The following HERC3 variants were observed in gnomAD, a reference collection of about 807,000 sequenced individuals.
HERC3 encodes the protein HECT and RLD domain containing E3 ubiquitin protein ligase 3.
HERC3 carries 58 observed loss-of-function variants against 129.9 expected under a neutral mutation model. The observed-to-expected ratio is 0.45, with a 90% confidence interval of 0.36 to 0.56. The LOEUF (loss-of-function observed/expected upper bound fraction) is 0.56. HERC3 is among the 20% of genes least tolerant of loss of function. The pLI, the probability that HERC3 is intolerant of heterozygous loss-of-function variation, is 0.00. For synonymous variants in HERC3, 430 were observed against 451.0 expected, an observed-to-expected ratio of 0.95 and a Z score of 0.59; for missense variants, 835 against 1,244.2, an observed-to-expected ratio of 0.67 and a Z score of 4.95.
chr4:88,592,898 G>GGCCGCCCTCCCGCCCT (rs1410673819), intron 1 of HERC3, among the ~76,000 whole-genome samples: 1 of 152,030 alleles, frequency 6.6e-6, no homozygotes, highest in African/African-American at 2.4e-5. Flanking sequence ...GCCCGCGCTC[G>GGCCGCCCTCCCGCCCT]GCCGCCCTCC....
At chr4:88,569,504 C>A in the HERC3 span, among the ~76,000 whole-genome samples, 2 of 152,232 alleles carry the variant, frequency 1.3e-5, no homozygotes, top group African/African-American at 4.8e-5. Flanking sequence ...GGTATTCCTG[C>A]AGGGAAGATG....
intron 23 of HERC3, among the ~76,000 whole-genome samples, 184 bp downstream of exon 23, chr4:88,687,483 A>T (rs1426462702): frequency 1.3e-5 from 2 of 152,240 alleles, no homozygotes; most frequent in African/African-American, 2.4e-5. Context: ...CACCCGGCCT[A>T]GATTCAGGAG....
Position 88,654,231 on chromosome 4 carries a change from A to T in HERC3, c.777+98A>T, listed in dbSNP as rs1473039908. ...TGTAGTGATGGTGTGTGATTACAGT[A>T]TTGTGGCTTGAACTTGAATGCTCTC... On this transcript the variant is annotated intron_variant, in intron 7 of 25. Transcript: ENST00000402738. The T allele has an allele frequency of 7.7e-6, 6 of 780,032 alleles. No individual in the cohort carries two copies. The African/African-American group carries it at 1.0e-4, about 14-fold the overall frequency. 48.3% of individuals were successfully genotyped at this position (780,032 alleles called of 1,614,324 possible).
At chr4:88,582,235 T>A in the HERC3 span, among the ~76,000 whole-genome samples, 1 of 139,918 alleles carries the variant, frequency 7.1e-6, no homozygotes, top group African/African-American at 2.9e-5. Flanking sequence ...TAAAAAAAAT[T>A]TTTTTTAATG....
intron 5 of HERC3, among the ~76,000 whole-genome samples, chr4:88,652,359 T>C (rs1314680757): frequency 1.3e-5 from 2 of 152,142 alleles, no homozygotes; most frequent in Non-Finnish European, 2.9e-5. Context: ...GTTCTGAGCA[T>C]GGAGGAGATT....
At chr4:88,545,031 C>T in the HERC3 span, among the ~76,000 whole-genome samples, 1 of 151,976 alleles carries the variant, frequency 6.6e-6, no homozygotes, top group African/African-American at 2.4e-5. Context: ...GCACACGTAC[C>T]CTAGAACTTA....
chr4:88,696,045 A>G (rs1365173557), intron 23 of HERC3: 2 of 152,666 alleles, frequency 1.3e-5, no homozygotes, highest in African/African-American at 4.8e-5. Context: ...CATTAAATAT[A>G]TTCTTCCTAA....
chr4:88,673,183 A>G (rs1411124803), intron 16 of HERC3, among the ~76,000 whole-genome samples: 1 of 152,198 alleles, frequency 6.6e-6, no homozygotes, highest in African/African-American at 2.4e-5. Flanking sequence ...TAAAAGCTAG[A>G]TAAAGCTCGA....
At chr4:88,551,934 C>G in the HERC3 span, among the ~76,000 whole-genome samples, 1 of 152,130 alleles carries the variant, frequency 6.6e-6, no homozygotes, top group Admixed American at 6.5e-5. Context: ...CACATATACA[C>G]CATGGAATAC....
intron 3 of HERC3, among the ~76,000 whole-genome samples, chr4:88,610,895 T>C (rs1724241980): frequency 6.6e-6 from 1 of 152,308 alleles, no homozygotes; most frequent in South Asian, 2.1e-4. Flanking sequence ...TGGATGTGAG[T>C]GAGCTCTGGC....
intron 10 of HERC3, among the ~76,000 whole-genome samples, chr4:88,659,847 A>C (rs1320542757): frequency 6.6e-6 from 1 of 152,164 alleles, no homozygotes; most frequent in African/African-American, 2.4e-5. Flanking sequence ...TAAATATAGT[A>C]TCTGATATAT....
intron 2 of HERC3, among the ~76,000 whole-genome samples, chr4:88,598,401 C>T (rs1264205609): frequency 6.6e-6 from 1 of 152,184 alleles, no homozygotes; most frequent in Non-Finnish European, 1.5e-5. Flanking sequence ...CCTCAAATCC[C>T]TTTCATGAAA....
chr4:88,653,262 G>A (rs1409528269), intron 6 of HERC3, among the ~76,000 whole-genome samples, 172 bp downstream of exon 6: 1 of 152,202 alleles, frequency 6.6e-6, no homozygotes, highest in Non-Finnish European at 1.5e-5. Context: ...GAGTAGAGGT[G>A]CAACAAAACC....
the HERC3 span, among the ~76,000 whole-genome samples, chr4:88,528,718 A>G: frequency 6.6e-6 from 1 of 152,152 alleles, no homozygotes; most frequent in African/African-American, 2.4e-5. Flanking sequence ...TTTCTTTATT[A>G]AGGGCCTCAT....
At chr4:88,642,052 AC>A (rs1443598080) in intron 3 of HERC3, among the ~76,000 whole-genome samples, 1 of 149,284 alleles carries the variant, frequency 6.7e-6, no homozygotes, top group Non-Finnish European at 1.5e-5. Context: ...AATTACTTGA[AC>A]CCAGGAGGTG....
At chr4:88,618,364 T>C (rs1265472342) in intron 3 of HERC3, among the ~76,000 whole-genome samples, 9 of 152,254 alleles carry the variant, frequency 5.9e-5, no homozygotes, top group Admixed American at 5.9e-4. Flanking sequence ...GAGATATTAG[T>C]GGTGAATGGG....
At chr4:88,696,514 A>T (rs962696763) in intron 23 of HERC3, 1 of 148,656 alleles carries the variant, frequency 6.7e-6, no homozygotes, top group Non-Finnish European at 1.5e-5. Flanking sequence ...GTAACTAATG[A>T]ATACATATGT....
chr4:88,704,558 A>G lies in HERC3; in HGVS notation c.2892A>G (p.Leu964=). Residue 964 remains leucine (L), a synonymous_variant, in exon 25 of 26, where the codon CTA becomes CTG. Coordinates refer to ENST00000402738, the MANE Select transcript of HERC3 (RefSeq NM_014606.3). ...CGGCCACACATCCCACTGTAAAACT[A>G]TTTTGGGAAACATTTCATGAGTTTC... The part of the protein sequence containing the change: ...DYSATHPTVK[L]FWETFHEFPL... 1.2e-6 allele frequency: 2 copies of G among 1,612,348 alleles called. No homozygotes were observed. Among genetic ancestry groups the G allele is most frequent in the Non-Finnish European group, 1.7e-6 (2 of 1,178,410 alleles).
intron 23 of HERC3, among the ~76,000 whole-genome samples, chr4:88,699,631 T>TG (rs1735142450): frequency 6.6e-6 from 1 of 151,778 alleles, no homozygotes; most frequent in Non-Finnish European, 1.5e-5. Flanking sequence ...AATTGGCAGA[T>TG]GCAGGGGCAG....
Sources: allele counts gnomAD v4.1 joint callset (sites outside exome capture counted in the v4.1 genomes callset), GRCh38; gene constraint gnomAD v4.1.1; transcripts MANE v1.5; gene names NCBI Gene and HGNC (gene_info 2026-07-23, HGNC 2026-07-21).